Variants in CNOT6 observed in about 807,000 individuals in gnomAD.
CNOT6 encodes carbon catabolite repression 4 protein.
CNOT6 carries 12 observed loss-of-function variants against 61.2 expected under a neutral mutation model. The ratio of observed to expected loss-of-function variants is 0.20; its 90% CI spans 0.13 to 0.32. CNOT6 has a LOEUF of 0.32. Among genes scored for constraint, CNOT6 ranks in the 10% least tolerant of loss-of-function variants. CNOT6 has a pLI of 1.00. For missense variants in CNOT6, 405 were observed against 663.9 expected, an observed-to-expected ratio of 0.61 and a Z score of 4.28; for synonymous variants, 225 against 240.6, an observed-to-expected ratio of 0.94 and a Z score of 0.60.
At chr5:180,546,029 C>A (rs1363900954) in intron 2 of CNOT6, among the ~76,000 whole-genome samples, 1 of 146,240 alleles carries the variant, frequency 6.8e-6, no homozygotes, top group Non-Finnish European at 1.5e-5. Context: ...TTCTTTCTCT[C>A]TCTTTTTTTT....
At chr5:180,523,976 A>G (rs1757979691) in intron 1 of CNOT6, among the ~76,000 whole-genome samples, 1 of 152,238 alleles carries the variant, frequency 6.6e-6, no homozygotes, top group African/African-American at 2.4e-5. Flanking sequence ...TAATAAATAC[A>G]AGGAATGTTT....
At chr5:180,512,843 C>T (rs1410548860) in intron 1 of CNOT6, among the ~76,000 whole-genome samples, 1 of 152,166 alleles carries the variant, frequency 6.6e-6, no homozygotes, top group African/African-American at 2.4e-5. Flanking sequence ...GGTGACCCGC[C>T]TGCCTTGGCC....
At chr5:180,502,881 A>G (rs552571434) in intron 1 of CNOT6, among the ~76,000 whole-genome samples, 1 of 152,326 alleles carries the variant, frequency 6.6e-6, no homozygotes, top group East Asian at 1.9e-4. Context: ...TGTTAAGTAA[A>G]CACTTCAGCA....
intron 3 of CNOT6, among the ~76,000 whole-genome samples, chr5:180,550,658 A>C (rs1035067099): frequency 1.3e-5 from 2 of 152,160 alleles, no homozygotes; most frequent in East Asian, 3.8e-4. Context: ...TTTATTTTTG[A>C]ATGAGAAAGT....
At chr5:180,572,937 G>A (rs190827554) in intron 11 of CNOT6, among the ~76,000 whole-genome samples, 26 of 152,212 alleles carry the variant, frequency 1.7e-4, no homozygotes, top group Non-Finnish European at 3.4e-4. Context: ...CTAAGCTGCT[G>A]GAAAAGTAAT....
chr5:180,573,952 T>G (rs1760893562), intron 11 of CNOT6, 36 bp from the exon 12 acceptor site: 2 of 1,418,580 alleles, frequency 1.4e-6, no homozygotes, highest in Non-Finnish European at 2.0e-6. Flanking sequence ...AGTGTTGTCT[T>G]ATACGGTGCT....
Position 180,553,282 on chromosome 5 carries a change from T to A in CNOT6, c.300-104T>A, listed in dbSNP as rs575330972. The A allele has an allele frequency of 5.3e-5, 34 of 639,238 alleles. No homozygotes were observed. In the African/African-American group the frequency reaches 6.1e-4, roughly 11 times the overall value. 39.6% of individuals were successfully genotyped at this position (639,238 alleles called of 1,614,324 possible). A position where few individuals can be genotyped will look rare whatever the true frequency, so the allele number is the denominator to read the frequency against. On this transcript the variant is annotated intron_variant, in intron 3 of 11. Coordinates refer to ENST00000261951, the MANE Select transcript of CNOT6 (RefSeq NM_001370472.1). ...CTAGACATTGAAATATAACGTAACA[T>A]TTTTTCATTCTTAGGTGCTTATGTT...
chr5:180,548,024 G>A (rs949336194), intron 2 of CNOT6, among the ~76,000 whole-genome samples: 3 of 152,172 alleles, frequency 2.0e-5, no homozygotes, highest in Non-Finnish European at 2.9e-5. Context: ...ATGAGCCACC[G>A]CATCCTGCCC....
Position 180,565,629 on chromosome 5 carries a change from T to G in CNOT6, c.560-191T>G, listed in dbSNP as rs187394156. ...AGGTAGTACATTGTATTCTAACTTGTTCACTTATCTATCCTGCTTGCATTA... is the reference window on the plus strand; with the variant it reads ...AGGTAGTACATTGTATTCTAACTTGGTCACTTATCTATCCTGCTTGCATTA... On this transcript the variant is annotated intron_variant, in intron 6 of 11. Transcript: ENST00000261951. 5.4e-3 allele frequency among the ~76,000 whole-genome samples: 824 copies of G among 152,316 alleles called. 10 individuals are homozygous for G. The highest frequency in any genetic ancestry group is 0.019 in the African/African-American group (784 of 41,576).
At chr5:180,497,173 C>G (rs1323876386) in intron 1 of CNOT6, among the ~76,000 whole-genome samples, 1 of 152,012 alleles carries the variant, frequency 6.6e-6, no homozygotes, top group East Asian at 1.9e-4. Flanking sequence ...ACTAAAAATA[C>G]AAAATTAGCC....
chr5:180,509,828 GT>G (rs10707986), intron 1 of CNOT6, among the ~76,000 whole-genome samples: 25,087 of 120,680 alleles, frequency 0.21, 2,314 homozygotes, highest in Non-Finnish European at 0.23. Context: ...ATACCTTGGT[GT>G]TTTTTTTTTT....
At chr5:180,533,462 A>C (rs995470263) in intron 2 of CNOT6, among the ~76,000 whole-genome samples, 2 of 151,996 alleles carry the variant, frequency 1.3e-5, no homozygotes, top group Admixed American at 6.6e-5. Context: ...GCTGGAATGC[A>C]GTGGCATGAT....
intron 1 of CNOT6, among the ~76,000 whole-genome samples, chr5:180,512,089 GTTGTA>G (rs759281532): frequency 1.8e-4 from 28 of 152,228 alleles, no homozygotes; most frequent in South Asian, 4.1e-4. Context: ...GGAAAGATGA[GTTGTA>G]TTGTATTTTA....
intron 4 of CNOT6, among the ~76,000 whole-genome samples, chr5:180,558,577 T>G (rs1760018759): frequency 6.6e-6 from 1 of 151,370 alleles, no homozygotes; most frequent in African/African-American, 2.4e-5. Flanking sequence ...TTTATTTCAT[T>G]GAGTTCTGCT....
chr5:180,547,127 G>C (rs1282173424), intron 2 of CNOT6, among the ~76,000 whole-genome samples: 5 of 152,182 alleles, frequency 3.3e-5, no homozygotes, highest in Non-Finnish European at 5.9e-5. Context: ...TTGGATTAGG[G>C]TTGCTCAAGC....
In CNOT6 at chr5:180,570,425, A is replaced by G. The variant is rs142962794; in HGVS notation, c.1259-805A>G. Among the ~76,000 whole-genome samples the G allele has an allele frequency of 3.9e-5, 6 of 152,176 alleles. No individual in the cohort carries two copies. In the East Asian group the frequency reaches 1.2e-3, roughly 29 times the overall value. On this transcript the variant is annotated intron_variant, in intron 10 of 11. Coordinates refer to ENST00000261951, the MANE Select transcript of CNOT6 (RefSeq NM_001370472.1). Reference sequence around the variant, plus strand: ...TAAAATTCAATTTCAGGGAAAATCAAAGCTATCTGAAATCTGTAATTATTT... The same window carrying G: ...TAAAATTCAATTTCAGGGAAAATCAGAGCTATCTGAAATCTGTAATTATTT...
intron 4 of CNOT6, among the ~76,000 whole-genome samples, chr5:180,560,180 C>T (rs1217128198): frequency 6.6e-6 from 1 of 152,078 alleles, no homozygotes; most frequent in Admixed American, 6.5e-5. Flanking sequence ...CTCCTGACCT[C>T]ATGATCCACC....
Position 180,574,958 on chromosome 5 carries a change from C to A in CNOT6, c.*758C>A, listed in dbSNP as rs775070383. The A allele has an allele frequency of 5.9e-5, 9 of 152,684 alleles. No homozygotes were observed. Among genetic ancestry groups the A allele is most frequent in the Non-Finnish European group, 8.8e-5 (6 of 68,126 alleles). The allele number at this position is 152,684 out of a possible 1,614,324, so 9.5% of individuals were successfully genotyped here. A position where few individuals can be genotyped will look rare whatever the true frequency, so the allele number is the denominator to read the frequency against. Reference sequence around the variant, plus strand: ...ATTCATGAATTTTTATGAAAACTATCTACTAGGACAGATAAGCTGAACAGT... The same window carrying A: ...ATTCATGAATTTTTATGAAAACTATATACTAGGACAGATAAGCTGAACAGT... On this transcript the variant is annotated 3_prime_UTR_variant, in exon 12 of 12. Coordinates refer to ENST00000261951, the MANE Select transcript of CNOT6 (RefSeq NM_001370472.1).
intron 1 of CNOT6, among the ~76,000 whole-genome samples, chr5:180,500,848 G>A (rs972603439): frequency 3.9e-5 from 6 of 151,938 alleles, no homozygotes; most frequent in Non-Finnish European, 5.9e-5. Context: ...AAGCATTTTG[G>A]GCATGCTAAG....
Sources: gnomAD v4.1 joint callset for allele counts (sites outside exome capture counted in the v4.1 genomes callset) on GRCh38, gnomAD v4.1.1 for gene constraint, MANE v1.5 for transcripts, NCBI Gene and HGNC (gene_info 2026-07-23, HGNC 2026-07-21) for gene names.